Variants in ACOXL observed in about 807,000 individuals in gnomAD.
ACOXL encodes the protein acyl-CoA oxidase like.
In ACOXL, 70 loss-of-function variants were observed where a neutral mutation model predicts 71.9. The ratio of observed to expected loss-of-function variants is 0.97; its 90% CI spans 0.80 to 1.19. The LOEUF (loss-of-function observed/expected upper bound fraction) is 1.19. Among genes scored for constraint, ACOXL ranks in the 50% most tolerant of loss-of-function variants. The probability of loss-of-function intolerance (pLI) is 0.00; values close to 1 mark genes in which losing one functional copy is unlikely to be tolerated. For missense variants in ACOXL, 703 were observed against 736.3 expected, an observed-to-expected ratio of 0.95 and a Z score of 0.52; for synonymous variants, 253 against 281.6, an observed-to-expected ratio of 0.90 and a Z score of 1.02.
At chr2:110,834,458 C>A (rs1690209819) in intron 9 of ACOXL, among the ~76,000 whole-genome samples, 1 of 152,204 alleles carries the variant, frequency 6.6e-6, no homozygotes, top group South Asian at 2.1e-4. Flanking sequence ...AAAATGTATT[C>A]ATTGACAAGC....
chr2:111,003,857 A>T (rs937373558), intron 14 of ACOXL, among the ~76,000 whole-genome samples: 2 of 152,196 alleles, frequency 1.3e-5, no homozygotes, highest in African/African-American at 4.8e-5. Flanking sequence ...TTTTGAAAAT[A>T]TGCTCTTGCC....
chr2:110,895,105 C>T (rs576196251), intron 10 of ACOXL, among the ~76,000 whole-genome samples: 8 of 152,044 alleles, frequency 5.3e-5, no homozygotes, highest in Admixed American at 2.0e-4. Flanking sequence ...TTAGAGTAAC[C>T]TGAAAAATAT....
chr2:111,031,854 G>A (rs2065287699), intron 15 of ACOXL, 140 bp downstream of exon 15: 3 of 754,078 alleles, frequency 4.0e-6, no homozygotes, highest in Non-Finnish European at 6.5e-6. Flanking sequence ...GGCCCCAAGT[G>A]ACTTACAGAG....
intron 11 of ACOXL, among the ~76,000 whole-genome samples, chr2:110,932,663 G>C (rs2060518416): frequency 6.6e-6 from 1 of 152,162 alleles, no homozygotes; most frequent in Non-Finnish European, 1.5e-5. Flanking sequence ...TTGTGTGTGT[G>C]GTTAAAAGAA....
chr2:110,850,945 G>T (rs1195745201), intron 10 of ACOXL, among the ~76,000 whole-genome samples: 2 of 152,168 alleles, frequency 1.3e-5, no homozygotes, highest in African/African-American at 4.8e-5. Context: ...TAAACAGACT[G>T]TGTCACTTCC....
intron 3 of ACOXL, among the ~76,000 whole-genome samples, chr2:110,788,831 T>C (rs1047716093): frequency 1.3e-5 from 2 of 152,190 alleles, no homozygotes; most frequent in African/African-American, 2.4e-5. Context: ...CTATTGGTGG[T>C]GGAGGAGATG....
chr2:110,857,502 T>G (rs4849135), intron 10 of ACOXL, among the ~76,000 whole-genome samples: 102,191 of 151,942 alleles, frequency 0.67, 35,157 homozygotes, highest in South Asian at 0.81. Flanking sequence ...AGGAAGAGGG[T>G]TTGGGCCAAC....
At chr2:111,073,469 TTTGACTATTGTGATATCAAA>T (rs1185148351) in intron 16 of ACOXL, among the ~76,000 whole-genome samples, 1 of 152,182 alleles carries the variant, frequency 6.6e-6, no homozygotes, top group African/African-American at 2.4e-5. Context: ...ATGCTTATCT[TTTGACTATTGTGATATCAAA>T]TTGACTATTG....
chr2:111,110,381 A>T (rs2069860099), intron 17 of ACOXL, among the ~76,000 whole-genome samples: 2 of 152,132 alleles, frequency 1.3e-5, no homozygotes, highest in African/African-American at 4.8e-5. Context: ...TCTTTGATTC[A>T]CCTTTGGGTT....
At chr2:110,823,611 G>A (rs1300359734) in intron 9 of ACOXL, among the ~76,000 whole-genome samples, 4 of 152,124 alleles carry the variant, frequency 2.6e-5, no homozygotes, top group African/African-American at 9.7e-5. Context: ...TGCCATTCTG[G>A]GTCCTTGCCA....
chr2:110,783,855 CCTT>C (rs1683629825), intron 2 of ACOXL, among the ~76,000 whole-genome samples: 1 of 152,156 alleles, frequency 6.6e-6, no homozygotes, highest in Non-Finnish European at 1.5e-5. Context: ...GGGCCTATCA[CCTT>C]CTAAGAAAAT....
intron 11 of ACOXL, among the ~76,000 whole-genome samples, chr2:110,912,028 T>C (rs1215491512): frequency 6.6e-6 from 1 of 151,870 alleles, no homozygotes; most frequent in South Asian, 2.1e-4. Context: ...GATCAACAAA[T>C]AAAAATCAAT....
intron 14 of ACOXL, among the ~76,000 whole-genome samples, chr2:111,021,395 A>C (rs80170019): frequency 0.012 from 1,794 of 152,104 alleles, 11 homozygotes; most frequent in Non-Finnish European, 0.017. Flanking sequence ...CCTTTTTCTC[A>C]TATGTAGCAG....
Position 110,768,446 on chromosome 2 carries a change from A to G in ACOXL, c.57A>G (p.Lys19=). Residue 19 remains lysine (K), a synonymous_variant, in exon 2 of 18, where the codon AAA becomes AAG. Coordinates refer to ENST00000439055, the MANE Select transcript of ACOXL (RefSeq NM_001142807.4). ...TTGCCATGGACCTGCCTCTGTTAAA[A>G]CGTGCAGGTCAGGATCTGGTAAGTG... is the stretch of plus-strand genomic sequence containing the variant. ...VKFAMDLPLL[K]RAGQDLAEKT... 1 of 1,613,488 alleles carries G rather than the reference A, an allele frequency of 6.2e-7. No homozygotes were observed. Among genetic ancestry groups the G allele is most frequent in the Non-Finnish European group, 8.5e-7 (1 of 1,179,850 alleles).
intron 10 of ACOXL, among the ~76,000 whole-genome samples, chr2:110,848,391 C>T (rs1246915889): frequency 6.6e-6 from 1 of 152,176 alleles, no homozygotes; most frequent in Non-Finnish European, 1.5e-5. Context: ...AATCTTAAAA[C>T]AAAGCCATCT....
chr2:110,992,537 T>A (rs978731665), intron 13 of ACOXL, among the ~76,000 whole-genome samples: 2 of 152,154 alleles, frequency 1.3e-5, no homozygotes, highest in African/African-American at 4.8e-5. Flanking sequence ...CTGGTACCCT[T>A]AAATCCCTCC....
intron 1 of ACOXL, among the ~76,000 whole-genome samples, chr2:110,760,087 T>C (rs1407188150): frequency 6.6e-6 from 1 of 152,046 alleles, no homozygotes; most frequent in Non-Finnish European, 1.5e-5. Context: ...GTTAGTTGAT[T>C]GTCTTGGGGG....
At chr2:111,116,791 A>G (rs1404792155) in intron 17 of ACOXL, among the ~76,000 whole-genome samples, 1 of 150,326 alleles carries the variant, frequency 6.7e-6, no homozygotes, top group Non-Finnish European at 1.5e-5. Flanking sequence ...CAATCTTATT[A>G]GTTTGGTAGC....
chr2:110,838,260 G>T (rs891631823), intron 9 of ACOXL, among the ~76,000 whole-genome samples: 5 of 152,178 alleles, frequency 3.3e-5, no homozygotes, highest in African/African-American at 4.8e-5. Context: ...GTGGACGAGT[G>T]TATGTGTGTG....
Sources: allele counts gnomAD v4.1 joint callset (sites outside exome capture counted in the v4.1 genomes callset), GRCh38; gene constraint gnomAD v4.1.1; transcripts MANE v1.5; gene names NCBI Gene and HGNC (gene_info 2026-07-23, HGNC 2026-07-21).